MEP1A: variants seen among roughly 807,000 people sequenced by gnomAD.
The protein encoded by MEP1A is N-benzoyl-L-tyrosyl-P-amino-benzoic acid hydrolase subunit alpha.
MEP1A carries 68 observed loss-of-function variants against 84.5 expected under a neutral mutation model. The observed-to-expected ratio is 0.80, with a 90% confidence interval of 0.66 to 0.98. The LOEUF is 0.98. Ranked by LOEUF, MEP1A falls within the 50% of genes least tolerant of loss-of-function variation. MEP1A has a pLI of 0.00. For synonymous variants in MEP1A, 337 were observed against 336.8 expected, an observed-to-expected ratio of 1.00 and a Z score of -0.01; for missense variants, 887 against 919.9, an observed-to-expected ratio of 0.96 and a Z score of 0.46.
At chr6:46,831,860 C>A (rs1457933669) in intron 10 of MEP1A, among the ~76,000 whole-genome samples, 1 of 152,178 alleles carries the variant, frequency 6.6e-6, no homozygotes, top group Non-Finnish European at 1.5e-5. Context: ...AGGGCAGCTG[C>A]CTAGATTTGT....
rs758348379 is a variant in MEP1A, at chr6:46,826,366, C to A, written c.791C>A (p.Thr264Asn). ...NRMYNCTTTHTLLDHCTFEKA... is the reference protein window; with the variant it reads ...NRMYNCTTTHNLLDHCTFEKA... The stretch of plus-strand genomic sequence containing the variant: ...ATATAATTTGCAGCCACAACTCACA[C>A]TCTTTTGGACCACTGTACTTTTGAG... Residue 264 changes from threonine (T) to asparagine (N), a missense_variant, in exon 9 of 14, where the codon ACT becomes AAT. Thr to Asn is a moderately conservative substitution (Grantham distance 65, BLOSUM62 0). Coordinates refer to ENST00000230588, the MANE Select transcript of MEP1A (RefSeq NM_005588.3). The A allele has an allele frequency of 5.0e-6, 8 of 1,595,176 alleles. No individual in the cohort carries two copies. Among genetic ancestry groups the A allele is most frequent in the Non-Finnish European group, 6.0e-6 (7 of 1,172,216 alleles).
intron 6 of MEP1A, among the ~76,000 whole-genome samples, chr6:46,810,210 A>G (rs1002630704): frequency 6.6e-6 from 1 of 152,082 alleles, no homozygotes; most frequent in Non-Finnish European, 1.5e-5. Flanking sequence ...TGTTTCCCTG[A>G]TAATTAGTAA....
At chr6:46,829,181 C>A (rs1768016962) in intron 9 of MEP1A, among the ~76,000 whole-genome samples, 175 bp from the exon 10 acceptor site, 1 of 152,178 alleles carries the variant, frequency 6.6e-6, no homozygotes, top group East Asian at 1.9e-4. Context: ...GTGACTAAGT[C>A]CATTGAGACA....
intron 3 of MEP1A, among the ~76,000 whole-genome samples, chr6:46,797,814 CTT>C (rs879758354): frequency 9.7e-5 from 14 of 143,724 alleles, no homozygotes; most frequent in East Asian, 4.0e-4. Flanking sequence ...TTCTTTCTTT[CTT>C]TCTTTCTTTC....
chr6:46,824,501 TTAAA>T (rs1173201350), intron 7 of MEP1A, among the ~76,000 whole-genome samples: 1 of 144,410 alleles, frequency 6.9e-6, no homozygotes, highest in Admixed American at 7.0e-5. Context: ...ATAAATCTAT[TTAAA>T]TAAATCTATT....
intron 13 of MEP1A, among the ~76,000 whole-genome samples, chr6:46,838,512 A>T (rs1363370906): frequency 5.3e-5 from 8 of 152,114 alleles, no homozygotes; most frequent in Non-Finnish European, 1.2e-4. Flanking sequence ...ATTTTATTTG[A>T]TATTATTTAG....
chr6:46,804,630 C>T (rs1356721615), intron 5 of MEP1A, among the ~76,000 whole-genome samples: 3 of 151,650 alleles, frequency 2.0e-5, no homozygotes, highest in Non-Finnish European at 4.4e-5. Flanking sequence ...TTCCCTTTTA[C>T]ATAAAATATA....
At chr6:46,800,470 G>T (rs144625790) in intron 5 of MEP1A, among the ~76,000 whole-genome samples, 401 of 152,226 alleles carry the variant, frequency 2.6e-3, no homozygotes, top group Middle Eastern at 6.8e-3. Flanking sequence ...AAGTAGTAAG[G>T]TCTCTCTAGT....
chr6:46,798,188 G>A (rs1767109252), intron 3 of MEP1A, among the ~76,000 whole-genome samples: 1 of 152,038 alleles, frequency 6.6e-6, no homozygotes, highest in African/African-American at 2.4e-5. Flanking sequence ...GGCTGGTCTT[G>A]AACTCCTGAC....
At chr6:46,801,718 T>C (rs954591041) in intron 5 of MEP1A, among the ~76,000 whole-genome samples, 3 of 152,110 alleles carry the variant, frequency 2.0e-5, no homozygotes, top group Non-Finnish European at 4.4e-5. Flanking sequence ...TATTCCAATA[T>C]TTTTTGAAGT....
intron 12 of MEP1A, among the ~76,000 whole-genome samples, 184 bp from the exon 13 acceptor site, chr6:46,835,065 A>G (rs1295775209): frequency 4.6e-5 from 7 of 152,206 alleles, no homozygotes; most frequent in Non-Finnish European, 2.9e-5. Flanking sequence ...TAAAAATGTG[A>G]CTGGATTACT....
At chr6:46,793,643 ATT>A in intron 2 of MEP1A, 21 bp from the exon 3 acceptor site, 1 of 1,592,446 alleles carries the variant, frequency 6.3e-7, no homozygotes, top group Non-Finnish European at 8.6e-7. Context: ...ACTAATAATA[ATT>A]TTTTTTCTCA....
intron 12 of MEP1A, 92 bp downstream of exon 12, chr6:46,834,843 G>A (rs1382938920): frequency 1.1e-5 from 11 of 961,522 alleles, no homozygotes; most frequent in African/African-American, 1.6e-5. Flanking sequence ...CGGAGGGTGG[G>A]GATGAGGTTA....
At chr6:46,843,509 T>C (rs1768368177), downstream of MEP1A, among the ~76,000 whole-genome samples, 1 of 152,230 alleles carries the variant, frequency 6.6e-6, no homozygotes, top group Admixed American at 6.5e-5. Context: ...AACCCTCTGG[T>C]GTAGCTTGCT....
downstream of MEP1A, among the ~76,000 whole-genome samples, chr6:46,840,834 T>C (rs996173233): frequency 1.3e-5 from 2 of 152,240 alleles, no homozygotes; most frequent in African/African-American, 4.8e-5. Flanking sequence ...CCCAGTTGTA[T>C]TATCTCCAAA....
intron 7 of MEP1A, among the ~76,000 whole-genome samples, chr6:46,820,195 A>T (rs531712765): frequency 1.9e-3 from 295 of 152,338 alleles, no homozygotes; most frequent in African/African-American, 6.7e-3. Context: ...AAATGCTTTT[A>T]TCTGAAATAA....
rs773897610 is a variant in MEP1A, at chr6:46,833,469, G to C, written c.1540G>C (p.Glu514Gln). Residue 514 changes from glutamate (E) to glutamine (Q), a missense_variant, in exon 11 of 14, where the codon GAG becomes CAG. Transcript: ENST00000230588. ...RQVIITILDQ[E>Q]PDVRNRMSSS... ...GGTGATAATTACCATCCTTGACCAGGAGCCTGATGTCCGGAACAGGATGTC... is the reference window on the plus strand; with the variant it reads ...GGTGATAATTACCATCCTTGACCAGCAGCCTGATGTCCGGAACAGGATGTC... The C allele has an allele frequency of 6.2e-6, 10 of 1,614,106 alleles. No homozygotes were observed. Among genetic ancestry groups the C allele is most frequent in the Non-Finnish European group, 8.5e-6 (10 of 1,180,014 alleles).
intron 13 of MEP1A, among the ~76,000 whole-genome samples, chr6:46,837,886 T>A (rs1303923805): frequency 6.6e-6 from 1 of 150,924 alleles, no homozygotes; most frequent in African/African-American, 2.5e-5. Flanking sequence ...AAGAAAATGC[T>A]GACTTCTTAT....
At chr6:46,818,005 T>C (rs568232235) in intron 6 of MEP1A, among the ~76,000 whole-genome samples, 1 of 152,290 alleles carries the variant, frequency 6.6e-6, no homozygotes, top group African/African-American at 2.4e-5. Flanking sequence ...AGGTGGAATG[T>C]ATGGTATTTT....
Sources: gnomAD v4.1 joint callset for allele counts (sites outside exome capture counted in the v4.1 genomes callset) on GRCh38, gnomAD v4.1.1 for gene constraint, MANE v1.5 for transcripts, NCBI Gene and HGNC (gene_info 2026-07-23, HGNC 2026-07-21) for gene names.